Variants in MRPL50 observed in about 807,000 individuals in gnomAD.
MRPL50 encodes mitochondrial ribosomal protein L50.
A neutral mutation model predicts 16.2 loss-of-function variants in MRPL50; 10 were observed. The ratio of observed to expected loss-of-function variants is 0.62; its 90% CI spans 0.38 to 1.05. MRPL50 has a LOEUF of 1.05. Ranked by LOEUF, MRPL50 falls within the 50% of genes least tolerant of loss-of-function variation. The pLI, the probability that MRPL50 is intolerant of heterozygous loss-of-function variation, is 0.01. For synonymous variants in MRPL50, 68 were observed against 66.8 expected, an observed-to-expected ratio of 1.02 and a Z score of -0.09; for missense variants, 213 against 187.1, an observed-to-expected ratio of 1.14 and a Z score of -0.81.
chr9:101,388,206 A>G lies in MRPL50; in HGVS notation c.*2260T>C, dbSNP rs1337022539. On this transcript the variant is annotated 3_prime_UTR_variant, in exon 2 of 2. Transcript: ENST00000374865. ...AAGATCCCCACATGAAAAAATGAAT[A>G]AAAGATCCCCAAATGATTAACATGC... 1 of 152,168 alleles carries G rather than the reference A, an allele frequency of 6.6e-6. No homozygotes were observed. Among genetic ancestry groups the G allele is most frequent in the Non-Finnish European group, 1.5e-5 (1 of 68,006 alleles). 9.4% of individuals were successfully genotyped at this position (152,168 alleles called of 1,614,324 possible). A position where few individuals can be genotyped will look rare whatever the true frequency, so the allele number is the denominator to read the frequency against.
At chr9:101,397,083 C>A (rs2118148764) in intron 1 of MRPL50, among the ~76,000 whole-genome samples, 1 of 152,248 alleles carries the variant, frequency 6.6e-6, no homozygotes, top group South Asian at 2.1e-4. Context: ...CTAATGTACA[C>A]CATGGTGACG....
At position 101,388,227 on chromosome 9, in the gene MRPL50, C is replaced by T; in HGVS notation, c.*2239G>A. On this transcript the variant is annotated 3_prime_UTR_variant, in exon 2 of 2. Transcript: ENST00000374865. ...GAATAAAAGATCCCCAAATGATTAA[C>T]ATGCGCATTAAATTTTGAGAATATT... is the stretch of plus-strand genomic sequence containing the variant. 6.6e-6 allele frequency: 1 copy of T among 152,124 alleles called. No individual in the cohort carries two copies. The highest frequency in any genetic ancestry group is 1.9e-4 in the East Asian group (1 of 5,196). The allele number at this position is 152,124 out of a possible 1,614,324, so 9.4% of individuals were successfully genotyped here. A position where few individuals can be genotyped will look rare whatever the true frequency, so the allele number is the denominator to read the frequency against.
intron 1 of MRPL50, among the ~76,000 whole-genome samples, chr9:101,397,875 A>G (rs118007323): frequency 0.014 from 2,069 of 152,330 alleles, 30 homozygotes; most frequent in Non-Finnish European, 0.017. Context: ...TGCAGCAGAA[A>G]AAGCAGTAGA....
intron 1 of MRPL50, among the ~76,000 whole-genome samples, chr9:101,392,507 G>A (rs191265534): frequency 6.6e-6 from 1 of 151,564 alleles, no homozygotes; most frequent in African/African-American, 2.4e-5. Flanking sequence ...ATTGTTACAA[G>A]CAACTATAAG....
chr9:101,389,105 T>C lies in MRPL50; in HGVS notation c.*1361A>G, dbSNP rs982606319. Reference sequence around the variant, plus strand: ...GCTACATATTTACATAACTTTAAAATTTACATATTTACATAACTAAATACA... The same window carrying C: ...GCTACATATTTACATAACTTTAAAACTTACATATTTACATAACTAAATACA... On this transcript the variant is annotated 3_prime_UTR_variant, in exon 2 of 2. Coordinates refer to ENST00000374865, the MANE Select transcript of MRPL50 (RefSeq NM_019051.3). The C allele has an allele frequency of 6.5e-6, 1 of 153,140 alleles. No homozygotes were observed. Among genetic ancestry groups the C allele is most frequent in the Non-Finnish European group, 1.5e-5 (1 of 68,794 alleles). The allele number at this position is 153,140 out of a possible 1,614,324, so 9.5% of individuals were successfully genotyped here.
At chr9:101,396,128 G>C (rs1187248399) in intron 1 of MRPL50, among the ~76,000 whole-genome samples, 1 of 151,986 alleles carries the variant, frequency 6.6e-6, no homozygotes, top group African/African-American at 2.4e-5. Flanking sequence ...TACCCATTAG[G>C]ATGGTCATTA....
intron 1 of MRPL50, among the ~76,000 whole-genome samples, chr9:101,397,540 T>G (rs142710464): frequency 7.0e-4 from 107 of 152,294 alleles, no homozygotes; most frequent in African/African-American, 2.5e-3. Flanking sequence ...GAACAAAAAT[T>G]TGGTCTGTTT....
In MRPL50 at chr9:101,388,502, C is replaced by T. The variant is rs1030651106; in HGVS notation, c.*1964G>A. 7.2e-5 allele frequency: 11 copies of T among 152,090 alleles called. No individual in the cohort carries two copies. The highest frequency in any genetic ancestry group is 2.4e-4 in the African/African-American group (10 of 41,420). 9.4% of individuals were successfully genotyped at this position (152,090 alleles called of 1,614,324 possible). A position where few individuals can be genotyped will look rare whatever the true frequency, so the allele number is the denominator to read the frequency against. On this transcript the variant is annotated 3_prime_UTR_variant, in exon 2 of 2. Transcript: ENST00000374865. The stretch of plus-strand genomic sequence containing the variant: ...AATCTTTTACACAGCAGAAGCAGGA[C>T]ATACAGCAGGCCTTCTGTATGTAAA...
chr9:101,394,602 T>A (rs1287162169), intron 1 of MRPL50, among the ~76,000 whole-genome samples: 1 of 152,182 alleles, frequency 6.6e-6, no homozygotes, highest in African/African-American at 2.4e-5. Flanking sequence ...TCTGCGTGAA[T>A]TACTCTTTCT....
In MRPL50 at chr9:101,390,155, C is replaced by T. The variant is rs114156583; in HGVS notation, c.*311G>A. The T allele has an allele frequency of 2.1e-3, 2,295 of 1,075,516 alleles. 45 individuals are homozygous for T. In the African/African-American group the frequency reaches 0.036, roughly 17 times the overall value. 66.6% of individuals were successfully genotyped at this position (1,075,516 alleles called of 1,614,324 possible). On this transcript the variant is annotated 3_prime_UTR_variant, in exon 2 of 2. Coordinates refer to ENST00000374865, the MANE Select transcript of MRPL50 (RefSeq NM_019051.3). ...AATACTTTCTTGCAACTACTTTATG[C>T]TTATGAAAGGTGTGAACTTGCAATG...
At position 101,398,581 on chromosome 9, in the gene MRPL50, T is replaced by A. The variant is rs138965126; in HGVS notation, c.12A>T (p.Arg4=). 6.2e-7 allele frequency: 1 copy of A among 1,613,548 alleles called. No individual in the cohort carries two copies. Among genetic ancestry groups the A allele is most frequent in the Non-Finnish European group, 8.5e-7 (1 of 1,180,016 alleles). ...CTCTTCTGGTAATGCCCGACACAGA[T>A]CGCGCCGCCATCTTCGATGAGATCC... MAA[R]SVSGITRRVF... Residue 4 remains arginine, a synonymous_variant, in exon 1 of 2, where the codon CGA becomes CGT. Transcript: ENST00000374865.
rs566687690 is a variant in MRPL50, at chr9:101,395,339, C to A, written c.92+3162G>T. Among the ~76,000 whole-genome samples, 7 of 152,144 alleles carry A rather than the reference C, an allele frequency of 4.6e-5. No homozygotes were observed. In the East Asian group the frequency reaches 1.4e-3, roughly 29 times the overall value. On this transcript the variant is annotated intron_variant, in intron 1 of 1. Coordinates refer to ENST00000374865, the MANE Select transcript of MRPL50 (RefSeq NM_019051.3). ...GTGGGAATGTAAATTAGTACAACTG[C>A]TATGGAGAAAAGCATGGAAATTTCC...
In MRPL50 at chr9:101,389,615, G is replaced by T; in HGVS notation, c.*851C>A. 2.0e-6 allele frequency: 1 copy of T among 490,226 alleles called. No individual in the cohort carries two copies. The highest frequency in any genetic ancestry group is 3.0e-6 in the Non-Finnish European group (1 of 330,086). 30.4% of individuals were successfully genotyped at this position (490,226 alleles called of 1,614,324 possible). ...TCATTACTCTCCAGCCATATCTAAA[G>T]CTTGAAAAAAAAATCCCAAATTTAA... is the stretch of plus-strand genomic sequence containing the variant. On this transcript the variant is annotated 3_prime_UTR_variant, in exon 2 of 2. Transcript: ENST00000374865.
At chr9:101,393,053 T>G (rs1045715559) in intron 1 of MRPL50, among the ~76,000 whole-genome samples, 2 of 152,072 alleles carry the variant, frequency 1.3e-5, no homozygotes, top group African/African-American at 4.8e-5. Flanking sequence ...GTTCAACATA[T>G]GCAAATCAAC....
intron 1 of MRPL50, among the ~76,000 whole-genome samples, chr9:101,393,207 A>G (rs1830295296): frequency 6.6e-6 from 1 of 152,094 alleles, no homozygotes; most frequent in Admixed American, 6.6e-5. Flanking sequence ...ACATACCTCA[A>G]CATAATAAAG....
chr9:101,398,385 T>G, intron 1 of MRPL50, 116 bp downstream of exon 1: 1 of 952,680 alleles, frequency 1.0e-6, no homozygotes, highest in Non-Finnish European at 1.6e-6. Flanking sequence ...CGGACCTCCT[T>G]GTCCTTGCTC....
intron 1 of MRPL50, among the ~76,000 whole-genome samples, chr9:101,395,212 C>T (rs139131096): frequency 1.0e-3 from 157 of 152,138 alleles, no homozygotes; most frequent in African/African-American, 3.5e-3. Flanking sequence ...CTCAATAACA[C>T]AATGAGGTAT....
intron 1 of MRPL50, 77 bp from the exon 2 acceptor site, chr9:101,390,927 A>G: frequency 6.9e-7 from 1 of 1,448,252 alleles, no homozygotes; most frequent in Non-Finnish European, 9.3e-7. Context: ...CCTACCAATC[A>G]AAATCAACAA....
At chr9:101,398,442 G>A (rs1261377255) in intron 1 of MRPL50, 59 bp downstream of exon 1, 3 of 1,492,426 alleles carry the variant, frequency 2.0e-6, no homozygotes, top group Admixed American at 1.7e-5. Context: ...TTTTGAATTC[G>A]TCCCTAATCC....
Sources: gnomAD v4.1 joint callset for allele counts (sites outside exome capture counted in the v4.1 genomes callset) on GRCh38, gnomAD v4.1.1 for gene constraint, MANE v1.5 for transcripts, NCBI Gene and HGNC (gene_info 2026-07-23, HGNC 2026-07-21) for gene names.